Variants in PLCG2 observed in about 807,000 individuals in gnomAD.
The protein encoded by PLCG2 is 1-phosphatidylinositol 4,5-bisphosphate phosphodiesterase gamma-2.
A neutral mutation model predicts 175.6 loss-of-function variants in PLCG2; 69 were observed. The ratio of observed to expected loss-of-function variants is 0.39; its 90% CI spans 0.32 to 0.48. The LOEUF is 0.48. Ranked by LOEUF, PLCG2 falls within the 20% of genes least tolerant of loss-of-function variation. The pLI, the probability that PLCG2 is intolerant of heterozygous loss-of-function variation, is 0.91. For missense variants in PLCG2, 1,798 were observed against 1,650.9 expected (o/e 1.09, Z -1.54); for synonymous variants, 827 against 624.0 (o/e 1.33, Z -4.85).
chr16:81,803,730 G>A (rs193231948), intron 2 of PLCG2, among the ~76,000 whole-genome samples: 16 of 142,692 alleles, frequency 1.1e-4, no homozygotes, highest in Admixed American at 3.7e-4. Context: ...CGGTCAGGCC[G>A]GAGGGCAGTG....
intron 2 of PLCG2, among the ~76,000 whole-genome samples, chr16:81,846,297 TC>T (rs902282967): frequency 1.3e-5 from 2 of 148,896 alleles, no homozygotes; most frequent in African/African-American, 2.5e-5. Flanking sequence ...GCTCCAGACA[TC>T]CCCCCGCCAC....
intron 31 of PLCG2, among the ~76,000 whole-genome samples, chr16:81,955,465 C>G (rs1207651687): frequency 6.6e-6 from 1 of 152,184 alleles, no homozygotes; most frequent in African/African-American, 2.4e-5. Context: ...CATCCTCATC[C>G]TCCCCCTGCA....
intron 30 of PLCG2, 64 bp downstream of exon 30, chr16:81,940,123 G>C (rs1257063137): frequency 1.5e-6 from 2 of 1,361,686 alleles, no homozygotes; most frequent in Non-Finnish European, 2.1e-6. Context: ...TTGGCTGCTG[G>C]CTTCAAAAAG....
At chr16:81,926,103 G>A (rs1259381039) in intron 22 of PLCG2, among the ~76,000 whole-genome samples, 2 of 152,172 alleles carry the variant, frequency 1.3e-5, no homozygotes, top group Non-Finnish European at 2.9e-5. Flanking sequence ...GGGAAGTTGG[G>A]TACCAAGGGC....
At chr16:81,921,761 C>T (rs995383401) in intron 21 of PLCG2, among the ~76,000 whole-genome samples, 3 of 152,170 alleles carry the variant, frequency 2.0e-5, no homozygotes, top group Admixed American at 6.5e-5. Flanking sequence ...GAGGAAGAAC[C>T]ACAGCGAATT....
intron 7 of PLCG2, 52 bp from the exon 8 acceptor site, chr16:81,880,858 C>T (rs940437928): frequency 2.6e-6 from 4 of 1,553,350 alleles, no homozygotes; most frequent in Admixed American, 1.7e-5. Flanking sequence ...TCCGTTTTTG[C>T]ATTAAGTGAC....
intron 2 of PLCG2, among the ~76,000 whole-genome samples, chr16:81,827,951 A>G (rs4468612): frequency 0.35 from 53,384 of 151,738 alleles, 11,073 homozygotes; most frequent in East Asian, 0.64. Flanking sequence ...GTAGCCAGGC[A>G]TGGTGGCGGA....
chr16:81,761,190 G>A (rs939426682), intron 2 of PLCG2, among the ~76,000 whole-genome samples: 3 of 152,038 alleles, frequency 2.0e-5, no homozygotes, highest in African/African-American at 7.2e-5. Context: ...AGCCACTTGC[G>A]CCCAGCTACA....
chr16:81,789,494 G>A (rs1911129886), intron 2 of PLCG2, among the ~76,000 whole-genome samples: 1 of 151,848 alleles, frequency 6.6e-6, no homozygotes, highest in Non-Finnish European at 1.5e-5. Context: ...TTGCTATGTT[G>A]CCGAGGCTGG....
chr16:81,925,985 G>T (rs1036810452), intron 22 of PLCG2, among the ~76,000 whole-genome samples: 13 of 152,208 alleles, frequency 8.5e-5, no homozygotes, highest in Non-Finnish European at 1.8e-4. Context: ...GGATGACTGT[G>T]GGGACAGGAT....
intron 2 of PLCG2, among the ~76,000 whole-genome samples, chr16:81,854,156 T>C (rs1022934989): frequency 6.6e-6 from 1 of 152,084 alleles, no homozygotes; most frequent in African/African-American, 2.4e-5. Flanking sequence ...ATTACAAAAA[T>C]TAATTGTCCT....
At chr16:81,879,511 C>T (rs1003622891) in intron 7 of PLCG2, among the ~76,000 whole-genome samples, 1 of 152,142 alleles carries the variant, frequency 6.6e-6, no homozygotes, top group Non-Finnish European at 1.5e-5. Context: ...GATGTGGACT[C>T]TCTGATGCTT....
Position 81,938,834 on chromosome 16 carries a change from C to A in PLCG2, c.3232C>A (p.Arg1078=), listed in dbSNP as rs1910822828. Residue 1078 remains arginine (R), a synonymous_variant, in exon 29 of 33, where the codon CGA becomes AGA. Transcript: ENST00000564138. ...TGCTCGCCATCTCCCCAAACTTGGA[C>A]GAAGTATTGCCTGTCCCTTTGTAGA... ...LGARHLPKLG[R]SIACPFVEVE... 1.2e-6 allele frequency: 2 copies of A among 1,613,336 alleles called. No homozygotes were observed. The highest frequency in any genetic ancestry group is 1.1e-5 in the South Asian group (1 of 90,970).
intron 18 of PLCG2, 47 bp from the exon 19 acceptor site, chr16:81,912,550 G>A: frequency 6.2e-7 from 1 of 1,604,794 alleles, no homozygotes; most frequent in East Asian, 2.2e-5. Context: ...CCCACTGACA[G>A]CCTGGAGACC....
intron 30 of PLCG2, among the ~76,000 whole-genome samples, chr16:81,942,333 A>T (rs1307017856): frequency 6.6e-6 from 1 of 152,202 alleles, no homozygotes; most frequent in Non-Finnish European, 1.5e-5. Context: ...TTTGGAAAAA[A>T]CAAAGGTCAA....
At chr16:81,817,828 T>G (rs1002932077) in intron 2 of PLCG2, among the ~76,000 whole-genome samples, 8 of 152,210 alleles carry the variant, frequency 5.3e-5, no homozygotes, top group African/African-American at 1.9e-4. Context: ...AGTTATTACA[T>G]GTCAGGCCCA....
At chr16:81,952,871 C>T (rs2143771257) in intron 31 of PLCG2, among the ~76,000 whole-genome samples, 1 of 152,224 alleles carries the variant, frequency 6.6e-6, no homozygotes, top group Admixed American at 6.5e-5. Flanking sequence ...GTGTCTTCCG[C>T]CAAGAAATTT....
chr16:81,869,312 CT>C lies in PLCG2; in HGVS notation c.564+15del, dbSNP rs1234354832. The C allele has an allele frequency of 6.3e-7, 1 of 1,587,626 alleles. No individual in the cohort carries two copies. Among genetic ancestry groups the C allele is most frequent in the African/African-American group, 1.3e-5 (1 of 74,510 alleles). ...GATAAGTTTGTGGTAAGTTTCATGG[CT>C]CAGCCTGGGAATTTTATGAATGCGG... On this transcript the variant is annotated intron_variant, in intron 6 of 32. Transcript: ENST00000564138.
At chr16:81,842,125 C>A (rs1817674222) in intron 2 of PLCG2, among the ~76,000 whole-genome samples, 1 of 152,202 alleles carries the variant, frequency 6.6e-6, no homozygotes, top group Non-Finnish European at 1.5e-5. Context: ...TGCCTGGTTC[C>A]TGTGCACCCC....
Sources: gnomAD v4.1 joint callset for allele counts (sites outside exome capture counted in the v4.1 genomes callset) on GRCh38, gnomAD v4.1.1 for gene constraint, MANE v1.5 for transcripts, NCBI Gene and HGNC (gene_info 2026-07-23, HGNC 2026-07-21) for gene names.